EYS: variants seen among roughly 807,000 people sequenced by gnomAD.
The protein encoded by EYS is EGF-like photoreceptor maintenance factor.
A neutral mutation model predicts 282.1 loss-of-function variants in EYS; 250 were observed. That is an observed-to-expected ratio of 0.89 (90% CI 0.80 to 0.98). The LOEUF is 0.98. Ranked by LOEUF, EYS falls within the 50% of genes least tolerant of loss-of-function variation. The pLI is 0.00. For synonymous variants in EYS, 1,355 were observed against 1,282.9 expected, an observed-to-expected ratio of 1.06 and a Z score of -1.20; for missense variants, 4,016 against 3,709.0, an observed-to-expected ratio of 1.08 and a Z score of -2.15.
chr6:63,737,401 C>T (rs1480994516), intron 41 of EYS, among the ~76,000 whole-genome samples: 12 of 152,008 alleles, frequency 7.9e-5, no homozygotes, highest in Non-Finnish European at 1.6e-4. Flanking sequence ...TATTGATTTG[C>T]ATATATTGAA....
chr6:64,720,485 A>G (rs1214442341), intron 22 of EYS, among the ~76,000 whole-genome samples: 1 of 152,216 alleles, frequency 6.6e-6, no homozygotes, highest in Admixed American at 6.5e-5. Context: ...TGCTTCCCAC[A>G]GCCAGAAACA....
intron 12 of EYS, among the ~76,000 whole-genome samples, chr6:65,227,708 G>T (rs1242133558): frequency 2.0e-5 from 3 of 151,584 alleles, no homozygotes; most frequent in African/African-American, 7.3e-5. Flanking sequence ...AACAAAATGT[G>T]GTATAGCCAT....
chr6:65,274,046 C>T (rs1482575874), intron 12 of EYS, among the ~76,000 whole-genome samples: 1 of 152,068 alleles, frequency 6.6e-6, no homozygotes, highest in Non-Finnish European at 1.5e-5. Context: ...GGAGTTTTTA[C>T]ACAGGTTCAA....
At chr6:64,758,223 A>G (rs1394155054) in intron 22 of EYS, among the ~76,000 whole-genome samples, 2 of 152,088 alleles carry the variant, frequency 1.3e-5, no homozygotes, top group South Asian at 2.1e-4. Flanking sequence ...AAGCCTGGAC[A>G]TTCTCCCATT....
chr6:64,156,052 GTA>G (rs1774909497), intron 31 of EYS, among the ~76,000 whole-genome samples: 1 of 150,466 alleles, frequency 6.6e-6, no homozygotes. Context: ...TTGTGTGTGT[GTA>G]TGTGTGTATT....
chr6:65,548,934 T>C (rs570472322), intron 2 of EYS, among the ~76,000 whole-genome samples: 2 of 152,266 alleles, frequency 1.3e-5, no homozygotes, highest in South Asian at 2.1e-4. Context: ...GAAGACAATT[T>C]TTCCACCAGA....
intron 31 of EYS, among the ~76,000 whole-genome samples, chr6:64,188,777 G>A (rs1765020276): frequency 6.6e-6 from 1 of 152,110 alleles, no homozygotes. Flanking sequence ...ATAAATGAAC[G>A]TGTATGCGTG....
Position 65,017,984 on chromosome 6 carries a change from T to C in EYS, c.2138-20281A>G, listed in dbSNP as rs140218765. On this transcript the variant is annotated intron_variant, in intron 13 of 42. Transcript: ENST00000503581. Reference sequence around the variant, plus strand: ...AAGTGCTCCCAAATTCTTCATGGTATGGAGCCAATAAACTCAAGTTTGTCT... The same window carrying C: ...AAGTGCTCCCAAATTCTTCATGGTACGGAGCCAATAAACTCAAGTTTGTCT... Among the ~76,000 whole-genome samples, 282 of 152,310 alleles carry C rather than the reference T, an allele frequency of 1.9e-3. 5 individuals are homozygous for C. The East Asian group carries it at 0.037, about 20-fold the overall frequency.
intron 35 of EYS, among the ~76,000 whole-genome samples, chr6:63,928,533 TG>T (rs1764789123): frequency 7.2e-6 from 1 of 138,330 alleles, no homozygotes; most frequent in Non-Finnish European, 1.5e-5. Context: ...ACTGTGTGTG[TG>T]TGTGTGTGTG....
At chr6:64,646,290 A>T (rs1768347345) in intron 22 of EYS, among the ~76,000 whole-genome samples, 1 of 152,198 alleles carries the variant, frequency 6.6e-6, no homozygotes, top group Non-Finnish European at 1.5e-5. Context: ...AGAATAACAA[A>T]TATACATAAT....
intron 11 of EYS, among the ~76,000 whole-genome samples, chr6:65,332,943 A>T (rs1418540606): frequency 2.0e-5 from 3 of 150,448 alleles, no homozygotes; most frequent in Non-Finnish European, 4.5e-5. Flanking sequence ...CTTTATAATT[A>T]TTTTTCTTTC....
intron 26 of EYS, among the ~76,000 whole-genome samples, chr6:64,511,897 T>C (rs1189465958): frequency 6.6e-6 from 1 of 152,010 alleles, no homozygotes; most frequent in Admixed American, 6.6e-5. Flanking sequence ...AATGTGCATC[T>C]TTAGGTAAAG....
chr6:63,937,395 T>TTTTTTTG (rs1562104508), intron 35 of EYS, among the ~76,000 whole-genome samples: 2 of 109,612 alleles, frequency 1.8e-5, no homozygotes, highest in African/African-American at 7.6e-5. Flanking sequence ...TTTTTTTTTT[T>TTTTTTTG]TTTGAGACGG....
At chr6:65,453,944 G>A (rs1582316065) in intron 5 of EYS, among the ~76,000 whole-genome samples, 1 of 151,676 alleles carries the variant, frequency 6.6e-6, no homozygotes, top group Non-Finnish European at 1.5e-5. Context: ...GGACTTTTAG[G>A]TTGATTCTAT....
At chr6:65,431,659 A>G (rs1767894309) in intron 5 of EYS, among the ~76,000 whole-genome samples, 1 of 152,128 alleles carries the variant, frequency 6.6e-6, no homozygotes, top group Non-Finnish European at 1.5e-5. Context: ...CTCAAATTAT[A>G]TTCATGATCA....
chr6:64,912,418 G>T, intron 16 of EYS, 66 bp downstream of exon 16: 1 of 1,435,626 alleles, frequency 7.0e-7, no homozygotes, highest in Non-Finnish European at 9.6e-7. Context: ...CATCCCATAG[G>T]CACAATAAAT....
At chr6:64,865,793 A>T (rs373265627) in intron 19 of EYS, among the ~76,000 whole-genome samples, 10 of 152,094 alleles carry the variant, frequency 6.6e-5, no homozygotes, top group Non-Finnish European at 1.3e-4. Flanking sequence ...GATACCCTAG[A>T]CTGATGTAGC....
rs558606287 is a variant in EYS at position 64,973,500 on chromosome 6, T to G, written c.2259+24082A>C. Among the ~76,000 whole-genome samples, 6 of 152,172 alleles carry G rather than the reference T, an allele frequency of 3.9e-5. No individual in the cohort carries two copies. In the East Asian group the frequency reaches 1.2e-3, roughly 29 times the overall value. On this transcript the variant is annotated intron_variant, in intron 14 of 42. Transcript: ENST00000503581. ...TTTTTATCACACTTTGTGGTGAAAA[T>G]AGTTTACTTTTCTCTCTCTCTAAGA...
chr6:64,875,413 G>A (rs971411665), intron 19 of EYS, among the ~76,000 whole-genome samples: 2 of 152,086 alleles, frequency 1.3e-5, no homozygotes, highest in Admixed American at 1.3e-4. Context: ...TAGAACTTCA[G>A]TTGGGTGCTC....
Sources: gnomAD v4.1 joint callset for allele counts (sites outside exome capture counted in the v4.1 genomes callset) on GRCh38, gnomAD v4.1.1 for gene constraint, MANE v1.5 for transcripts, NCBI Gene and HGNC (gene_info 2026-07-23, HGNC 2026-07-21) for gene names.